SLC1A2: variants seen among roughly 807,000 people sequenced by gnomAD.
SLC1A2 encodes the protein solute carrier family 1 member 2.
SLC1A2 carries 15 observed loss-of-function variants against 48.8 expected under a neutral mutation model. The ratio of observed to expected loss-of-function variants is 0.31; its 90% CI spans 0.21 to 0.47. The LOEUF is 0.47. Among genes scored for constraint, SLC1A2 ranks in the 20% least tolerant of loss-of-function variants. The pLI, the probability that SLC1A2 is intolerant of heterozygous loss-of-function variation, is 0.99. For missense variants in SLC1A2, 502 were observed against 730.5 expected, an observed-to-expected ratio of 0.69 and a Z score of 3.61; for synonymous variants, 279 against 272.6, an observed-to-expected ratio of 1.02 and a Z score of -0.23.
At chr11:35,313,782 G>A (rs2078495967) in intron 3 of SLC1A2, among the ~76,000 whole-genome samples, 1 of 152,108 alleles carries the variant, frequency 6.6e-6, no homozygotes, top group Admixed American at 6.5e-5. Flanking sequence ...TGAATGATAA[G>A]GTCCCACTTA....
At chr11:35,313,682 C>T (rs949769523) in intron 3 of SLC1A2, among the ~76,000 whole-genome samples, 4 of 152,136 alleles carry the variant, frequency 2.6e-5, no homozygotes, top group Admixed American at 1.3e-4. Flanking sequence ...AGTTGGCCAA[C>T]GTATGACCTG....
intron 4 of SLC1A2, among the ~76,000 whole-genome samples, chr11:35,309,663 C>A (rs763443436): frequency 6.6e-6 from 1 of 152,180 alleles, no homozygotes; most frequent in African/African-American, 2.4e-5. Flanking sequence ...CTCCTCCACT[C>A]AAGACAGGTT....
At chr11:35,352,194 A>G (rs1853285254) in intron 1 of SLC1A2, 2 of 152,366 alleles carry the variant, frequency 1.3e-5, no homozygotes, top group South Asian at 2.1e-4. Flanking sequence ...TTAATCTATA[A>G]GAAACTTTGT....
chr11:35,292,247 A>G (rs1200624884), intron 7 of SLC1A2, 40 bp downstream of exon 7: 2 of 1,442,448 alleles, frequency 1.4e-6, no homozygotes, highest in East Asian at 2.3e-5. Context: ...AGAGGGCAAA[A>G]GAGTGAGCAA....
chr11:35,336,305 A>G (rs973400130), intron 1 of SLC1A2, among the ~76,000 whole-genome samples: 1 of 152,212 alleles, frequency 6.6e-6, no homozygotes, highest in African/African-American at 2.4e-5. Flanking sequence ...CATCCTGCAC[A>G]TGTACCCCAC....
At chr11:35,281,468 A>G (rs994584183) in intron 8 of SLC1A2, among the ~76,000 whole-genome samples, 4 of 152,252 alleles carry the variant, frequency 2.6e-5, no homozygotes, top group African/African-American at 9.6e-5. Context: ...CAAGGTTAAC[A>G]TGAGAACTCA....
At chr11:35,289,103 G>A (rs933116538) in intron 7 of SLC1A2, among the ~76,000 whole-genome samples, 6 of 152,126 alleles carry the variant, frequency 3.9e-5, no homozygotes, top group Non-Finnish European at 7.4e-5. Context: ...TGTTTTTTAA[G>A]TATTAGTTTT....
intron 5 of SLC1A2, among the ~76,000 whole-genome samples, chr11:35,302,767 C>T (rs1207376407): frequency 6.6e-6 from 1 of 151,704 alleles, no homozygotes; most frequent in African/African-American, 2.4e-5. Flanking sequence ...CACTCCAACG[C>T]ATCCAGGGAC....
At chr11:35,415,337 T>A (rs1855574597) in intron 1 of SLC1A2, among the ~76,000 whole-genome samples, 1 of 152,242 alleles carries the variant, frequency 6.6e-6, no homozygotes, top group African/African-American at 2.4e-5. Context: ...AGAAATTATT[T>A]CCTGAGAATT....
intron 1 of SLC1A2, chr11:35,418,237 A>G (rs1855669455): frequency 6.6e-6 from 1 of 152,254 alleles, no homozygotes; most frequent in South Asian, 2.1e-4. Flanking sequence ...TCCCCATGCC[A>G]GCTGGAATCT....
At chr11:35,370,493 G>A (rs373295632) in intron 1 of SLC1A2, among the ~76,000 whole-genome samples, 2 of 152,182 alleles carry the variant, frequency 1.3e-5, no homozygotes, top group Admixed American at 6.5e-5. Context: ...TGGTGACTTT[G>A]GGCAACTGTG....
At chr11:35,290,980 C>T (rs1045588448) in intron 7 of SLC1A2, among the ~76,000 whole-genome samples, 1 of 152,054 alleles carries the variant, frequency 6.6e-6, no homozygotes, top group South Asian at 2.1e-4. Flanking sequence ...TCTGTTAGGT[C>T]GCTTAAGGGA....
At chr11:35,280,514 T>C (rs1028510112) in intron 9 of SLC1A2, 1 of 194,446 alleles carries the variant, frequency 5.1e-6, no homozygotes, top group Non-Finnish European at 1.0e-5. Flanking sequence ...TCTTAGAGCT[T>C]CATATAAATG....
At chr11:35,418,855 G>C in intron 1 of SLC1A2, 95 bp downstream of exon 1, 2 of 1,036,246 alleles carry the variant, frequency 1.9e-6, no homozygotes, top group Non-Finnish European at 2.8e-6. Flanking sequence ...TCCGAGGCCC[G>C]CCGCCGCCGC....
rs987744467 is a variant in SLC1A2, at chr11:35,317,409, C to T, written c.125G>A (p.Gly42Glu). Reference protein sequence around the residue: ...HLGLRLCDKLGKNLLLTLTVF... With the variant: ...HLGLRLCDKLEKNLLLTLTVF... ...CGTCAGGGTGAGCAGCAGATTCTTC[C>T]CCAGCTTGTCACACAGGCGCAGGCC... The change falls in exon 2 of 11, where the codon GGG becomes GAG. Residue 42 changes from glycine (G) to glutamate (E), a missense_variant. Gly to Glu is a moderately conservative substitution (Grantham distance 98). Around this residue, in one of 4 missense-constraint regions of SLC1A2, gnomAD observed 89 missense variants for 119.7 expected, o/e 0.74. Transcript: ENST00000278379. 2 of 1,613,966 alleles carry T rather than the reference C, an allele frequency of 1.2e-6. No homozygotes were observed. Among genetic ancestry groups the T allele is most frequent in the African/African-American group, 1.3e-5 (1 of 74,914 alleles).
chr11:35,271,867 A>G (rs1850289759), intron 9 of SLC1A2, among the ~76,000 whole-genome samples: 1 of 152,184 alleles, frequency 6.6e-6, no homozygotes, highest in Non-Finnish European at 1.5e-5. Context: ...TTTTGGTTTT[A>G]ACAACAAAGA....
chr11:35,269,545 G>T (rs1198918609), intron 9 of SLC1A2, among the ~76,000 whole-genome samples: 1 of 152,136 alleles, frequency 6.6e-6, no homozygotes, highest in African/African-American at 2.4e-5. Context: ...GACTTTTCCA[G>T]TTTAACACAT....
intron 1 of SLC1A2, among the ~76,000 whole-genome samples, chr11:35,364,487 T>C (rs973925694): frequency 1.3e-5 from 2 of 152,250 alleles, no homozygotes; most frequent in Admixed American, 6.5e-5. Flanking sequence ...ATTTGGTGAA[T>C]GTAACTATCT....
intron 10 of SLC1A2, among the ~76,000 whole-genome samples, chr11:35,262,869 A>G (rs778573112): frequency 6.6e-6 from 1 of 152,270 alleles, no homozygotes; most frequent in East Asian, 1.9e-4. Context: ...GGTCACCTAA[A>G]GGCTAATTAA....
Sources: gnomAD v4.1 joint callset for allele counts (sites outside exome capture counted in the v4.1 genomes callset) on GRCh38, gnomAD v4.1.1 for gene constraint, gnomAD v4.1.1 regional missense constraint, MANE v1.5 for transcripts, NCBI Gene and HGNC (gene_info 2026-07-23, HGNC 2026-07-21) for gene names.